The following PEAK1 variants were observed in gnomAD, a reference collection of about 807,000 sequenced individuals.
The protein encoded by PEAK1 is inactive tyrosine-protein kinase PEAK1.
PEAK1 carries 54 observed loss-of-function variants against 124.7 expected under a neutral mutation model. The observed-to-expected ratio is 0.43, with a 90% CI of 0.35 to 0.54. PEAK1 has a LOEUF of 0.54. Among genes scored for constraint, PEAK1 ranks in the 20% least tolerant of loss-of-function variants. The probability of loss-of-function intolerance (pLI) is 0.01; values close to 1 mark genes in which losing one functional copy is unlikely to be tolerated. For synonymous variants in PEAK1, 719 were observed against 760.0 expected, an observed-to-expected ratio of 0.95 and a Z score of 0.89; for missense variants, 2,046 against 2,134.5, an observed-to-expected ratio of 0.96 and a Z score of 0.82.
At chr15:77,267,164 C>T (rs150095038) in intron 5 of PEAK1, among the ~76,000 whole-genome samples, 10 of 152,188 alleles carry the variant, frequency 6.6e-5, no homozygotes, top group East Asian at 1.9e-4. Context: ...TTCCTGGGAA[C>T]GTAATTGCAT....
chr15:77,354,855 C>T (rs1016272138), intron 2 of PEAK1, among the ~76,000 whole-genome samples: 11 of 151,948 alleles, frequency 7.2e-5, no homozygotes, highest in African/African-American at 1.9e-4. Context: ...CTGGCTAACA[C>T]GGTGAAACCC....
Position 77,365,172 on chromosome 15 carries a change from T to C in PEAK1, c.-612A>G, listed in dbSNP as rs1452109690. On this transcript the variant is annotated 5_prime_UTR_variant, in exon 2 of 10. Transcript: ENST00000682557. ...TCATAAATTATCTCACCTTTGGTTTTTAGATAAACCACAAAGAAATGTCTA... is the reference window on the plus strand; with the variant it reads ...TCATAAATTATCTCACCTTTGGTTTCTAGATAAACCACAAAGAAATGTCTA... The C allele has an allele frequency of 2.1e-6, 2 of 972,654 alleles. No individual in the cohort carries two copies. Among genetic ancestry groups the C allele is most frequent in the East Asian group, 2.3e-4 (2 of 8,742 alleles). The allele number at this position is 972,654 out of a possible 1,614,324, so 60.3% of individuals were successfully genotyped here. A position where few individuals can be genotyped will look rare whatever the true frequency, so the allele number is the denominator to read the frequency against.
At chr15:77,394,517 C>G (rs184092068) in intron 1 of PEAK1, among the ~76,000 whole-genome samples, 2 of 152,258 alleles carry the variant, frequency 1.3e-5, no homozygotes, top group South Asian at 4.2e-4. Flanking sequence ...GGATCTTATC[C>G]AAGACCACCA....
intron 6 of PEAK1, among the ~76,000 whole-genome samples, chr15:77,243,922 C>T (rs536388698): frequency 1.3e-5 from 2 of 151,572 alleles, no homozygotes; most frequent in East Asian, 1.9e-4. Context: ...GAGCTGAGAT[C>T]GCGCCATTGC....
intron 2 of PEAK1, among the ~76,000 whole-genome samples, chr15:77,301,319 C>T (rs749630967): frequency 3.3e-5 from 5 of 152,114 alleles, no homozygotes; most frequent in Non-Finnish European, 7.4e-5. Flanking sequence ...CTTATAAGGA[C>T]ACCCCTCATT....
chr15:77,119,707 C>T (rs1441624288), intron 9 of PEAK1, among the ~76,000 whole-genome samples: 2 of 152,230 alleles, frequency 1.3e-5, no homozygotes, highest in Non-Finnish European at 2.9e-5. Flanking sequence ...TCATCATGCA[C>T]AACCTGAAAA....
chr15:77,393,350 G>A (rs543920085), intron 1 of PEAK1, among the ~76,000 whole-genome samples: 1 of 152,266 alleles, frequency 6.6e-6, no homozygotes, highest in East Asian at 1.9e-4. Context: ...AACCCCAGGC[G>A]GTGCAGCTTG....
chr15:77,133,568 G>A lies in PEAK1; in HGVS notation c.3514C>T (p.Leu1172Phe). 6.2e-7 allele frequency: 1 copy of A among 1,614,160 alleles called. No individual in the cohort carries two copies. The highest frequency in any genetic ancestry group is 8.5e-7 in the Non-Finnish European group (1 of 1,180,030). ...RANTEPISKD[L>F]QKSMESSLCV... ...AGACTACTTTCCATGGATTTTTGGA[G>A]GTCCTTGGAGATTGGCTCTGTATTG... The change falls in exon 9 of 10, where the codon CTC (leucine) becomes TTC (phenylalanine). Residue 1172 changes from leucine to phenylalanine, a missense_variant. Physicochemically the swap from Leu to Phe is conservative, Grantham distance 22 (BLOSUM62 0). Coordinates refer to ENST00000682557, the MANE Select transcript of PEAK1 (RefSeq NM_001385026.1). This position sits in a 1 kb window ranked among gnomAD's most constrained non-coding sequence, Gnocchi z 4.2.
intron 7 of PEAK1, 68 bp from the exon 8 acceptor site, chr15:77,158,764 G>C: frequency 6.9e-7 from 1 of 1,448,414 alleles, no homozygotes; most frequent in South Asian, 1.2e-5. Context: ...ATTTATGGAA[G>C]GCATATACTT....
chr15:77,402,926 GA>G, intron 1 of PEAK1: 2 of 985,374 alleles, frequency 2.0e-6, no homozygotes, highest in Non-Finnish European at 2.4e-6. Context: ...GCTGAGGCCA[GA>G]AAAAGCTTAT....
intron 1 of PEAK1, among the ~76,000 whole-genome samples, chr15:77,372,081 G>C (rs754430988): frequency 5.9e-5 from 9 of 152,260 alleles, no homozygotes; most frequent in Non-Finnish European, 8.8e-5. Context: ...AATAAAAGCA[G>C]AACTTAGAAA....
chr15:77,118,231 G>A (rs780582437), intron 9 of PEAK1, among the ~76,000 whole-genome samples: 8 of 152,090 alleles, frequency 5.3e-5, no homozygotes, highest in Non-Finnish European at 1.0e-4. Context: ...GATTTTACTT[G>A]GTTCATAACC....
downstream of PEAK1, chr15:77,105,819 T>G (rs1413221434): frequency 6.6e-6 from 1 of 152,288 alleles, no homozygotes; most frequent in Non-Finnish European, 1.5e-5. Flanking sequence ...TCTGCAGGCA[T>G]GGAGCTGCCA....
At position 77,291,617 on chromosome 15, in the gene PEAK1, T is replaced by C. The variant is rs142405356; in HGVS notation, c.-602-5113A>G. Among the ~76,000 whole-genome samples the C allele has an allele frequency of 2.0e-5, 3 of 152,232 alleles. No individual in the cohort carries two copies. In the East Asian group the frequency reaches 5.8e-4, roughly 29 times the overall value. ...GAAAAACCTTCTGACTTAAGGAATA[T>C]GGAATCATCCATCTGGTGTAAAACA... On this transcript the variant is annotated intron_variant, in intron 2 of 9. Transcript: ENST00000682557.
rs189139532 is a variant in PEAK1, at chr15:77,282,775, T to C, written c.-275+1108A>G. ...TCTGGGTTAGCAAGACACAATCATA[T>C]TATAATAGGTAAAATTTAATGAAAC... On this transcript the variant is annotated intron_variant, in intron 5 of 9. Coordinates refer to ENST00000682557, the MANE Select transcript of PEAK1 (RefSeq NM_001385026.1). Among the ~76,000 whole-genome samples the C allele has an allele frequency of 2.3e-3, 350 of 152,298 alleles. 3 individuals carry two copies. The highest frequency in any genetic ancestry group is 7.8e-3 in the African/African-American group (325 of 41,570).
At chr15:77,258,862 T>G (rs540604309) in intron 5 of PEAK1, among the ~76,000 whole-genome samples, 2 of 152,190 alleles carry the variant, frequency 1.3e-5, no homozygotes, top group African/African-American at 4.8e-5. Flanking sequence ...GGCTGTGGGT[T>G]TGTCATAGAT....
At chr15:77,417,917 A>G in intron 1 of PEAK1, 3 of 981,844 alleles carry the variant, frequency 3.1e-6, no homozygotes, top group South Asian at 9.4e-5. Flanking sequence ...AGCAAATAAA[A>G]GTTTTTAAGC....
intron 6 of PEAK1, among the ~76,000 whole-genome samples, chr15:77,203,404 A>G (rs2058467734): frequency 6.6e-6 from 1 of 152,240 alleles, no homozygotes; most frequent in Non-Finnish European, 1.5e-5. Flanking sequence ...TAGGTAGGCA[A>G]AGCAGAATAC....
chr15:77,227,849 T>A lies in PEAK1; in HGVS notation c.-115+24518A>T, dbSNP rs367979108. 2.2e-4 allele frequency among the ~76,000 whole-genome samples: 33 copies of A among 151,628 alleles called. 2 individuals carry two copies. In the East Asian group the frequency reaches 3.5e-3, roughly 16 times the overall value. On this transcript the variant is annotated intron_variant, in intron 6 of 9. Coordinates refer to ENST00000682557, the MANE Select transcript of PEAK1 (RefSeq NM_001385026.1). ...TCCAGGTCAACTAAAAAAAAAAAAT[T>A]AGCCTGGTATGGTGGTGCTCACCTA...
Sources: allele counts gnomAD v4.1 joint callset (sites outside exome capture counted in the v4.1 genomes callset), GRCh38; gene constraint gnomAD v4.1.1; non-coding constraint Gnocchi (gnomAD v3.1); transcripts MANE v1.5; gene names NCBI Gene and HGNC (gene_info 2026-07-23, HGNC 2026-07-21).